Variants in CERS6 observed in about 807,000 individuals in gnomAD.
CERS6 encodes ceramide synthase 6, also known as LAG1 homolog, ceramide synthase 6.
In CERS6, 26 loss-of-function variants were observed where a neutral mutation model predicts 56.8. That is an observed-to-expected ratio of 0.46 (90% CI 0.34 to 0.63). The LOEUF is 0.63. CERS6 is among the 30% of genes least tolerant of loss of function. CERS6 has a pLI of 0.01. For synonymous variants in CERS6, 164 were observed against 173.3 expected (o/e 0.95, Z 0.42); for missense variants, 415 against 467.5 (o/e 0.89, Z 1.04).
At chr2:168,489,173 G>C (rs572961809) in intron 1 of CERS6, among the ~76,000 whole-genome samples, 1 of 152,096 alleles carries the variant, frequency 6.6e-6, no homozygotes, top group Non-Finnish European at 1.5e-5. Context: ...GATGGATATG[G>C]AATTTTAGGT....
chr2:168,519,153 A>G (rs1416791027), intron 1 of CERS6, among the ~76,000 whole-genome samples: 1 of 152,294 alleles, frequency 6.6e-6, no homozygotes, highest in African/African-American at 2.4e-5. Context: ...CATCATAAAT[A>G]TGGGTTAATG....
intron 1 of CERS6, among the ~76,000 whole-genome samples, chr2:168,512,669 C>CTT (rs35756766): frequency 0.02 from 2,591 of 131,004 alleles, 52 homozygotes; most frequent in African/African-American, 0.049. Flanking sequence ...ATTTTCTTTT[C>CTT]TTTTTTTTTT....
At chr2:168,753,495 G>C (rs184483566) in intron 8 of CERS6, among the ~76,000 whole-genome samples, 142 of 152,084 alleles carry the variant, frequency 9.3e-4, no homozygotes, top group African/African-American at 3.4e-3. Flanking sequence ...TGTTTATTTG[G>C]GTTCTTTTCC....
intron 1 of CERS6, among the ~76,000 whole-genome samples, chr2:168,544,660 C>T (rs534468661): frequency 6.6e-6 from 1 of 152,288 alleles, no homozygotes; most frequent in East Asian, 1.9e-4. Context: ...CTGGTATGGA[C>T]TCACTGTGGA....
chr2:168,478,328 C>T (rs1304005796), intron 1 of CERS6, among the ~76,000 whole-genome samples: 1 of 152,170 alleles, frequency 6.6e-6, no homozygotes, highest in Admixed American at 6.5e-5. Flanking sequence ...GAGTAAACCA[C>T]CCCTCTCTGC....
At chr2:168,567,621 C>A (rs1695906554) in intron 3 of CERS6, among the ~76,000 whole-genome samples, 1 of 152,204 alleles carries the variant, frequency 6.6e-6, no homozygotes, top group South Asian at 2.1e-4. Context: ...CTGGATTTGG[C>A]CCTCTAGCCA....
At chr2:168,724,692 C>A (rs1683291443) in intron 8 of CERS6, among the ~76,000 whole-genome samples, 1 of 151,892 alleles carries the variant, frequency 6.6e-6, no homozygotes, top group African/African-American at 2.4e-5. Context: ...ATTCACAAAC[C>A]CTGAGCTAGA....
chr2:168,663,576 A>G (rs950612527), intron 4 of CERS6, among the ~76,000 whole-genome samples: 1 of 152,166 alleles, frequency 6.6e-6, no homozygotes, highest in Non-Finnish European at 1.5e-5. Flanking sequence ...CATTTTCTAT[A>G]TAGAGATTTT....
chr2:168,717,327 A>T (rs1202294530), intron 7 of CERS6, among the ~76,000 whole-genome samples: 1 of 152,166 alleles, frequency 6.6e-6, no homozygotes, highest in Non-Finnish European at 1.5e-5. Context: ...AGTAAGCCAG[A>T]AGAGCATCTC....
In CERS6 at chr2:168,746,817, A is replaced by G. The variant is rs984111139; in HGVS notation, c.846-18775A>G. Among the ~76,000 whole-genome samples the G allele has an allele frequency of 2.8e-3, 295 of 107,106 alleles. 2 individuals carry two copies. The highest frequency in any genetic ancestry group is 3.5e-3 in the Non-Finnish European group (180 of 52,074). 70.3% of individuals were successfully genotyped at this position (107,106 alleles called of 152,430 possible). A position where few individuals can be genotyped will look rare whatever the true frequency, so the allele number is the denominator to read the frequency against. On this transcript the variant is annotated intron_variant, in intron 8 of 9. Coordinates refer to ENST00000305747, the MANE Select transcript of CERS6 (RefSeq NM_203463.3). ...TATATATATATATATATATATATAT[A>G]TATAAAATCATCTTTGAAAAAATGA...
chr2:168,755,414 CAT>C (rs763988702), intron 8 of CERS6, among the ~76,000 whole-genome samples: 1 of 152,092 alleles, frequency 6.6e-6, no homozygotes, highest in Non-Finnish European at 1.5e-5. Context: ...TTTAAATCTC[CAT>C]GTGTGTGACT....
At chr2:168,568,800 C>T (rs1288787076) in intron 3 of CERS6, among the ~76,000 whole-genome samples, 4 of 152,154 alleles carry the variant, frequency 2.6e-5, no homozygotes, top group Non-Finnish European at 4.4e-5. Flanking sequence ...TGCTGCATTC[C>T]TAAAAATGGC....
At chr2:168,457,069 G>A (rs1693682649) in intron 1 of CERS6, among the ~76,000 whole-genome samples, 1 of 152,248 alleles carries the variant, frequency 6.6e-6, no homozygotes, top group African/African-American at 2.4e-5. Flanking sequence ...GGCCCGGAGG[G>A]AGGAGGAACC....
rs144933002 is a variant in CERS6 at position 168,486,900 on chromosome 2, C to T, written c.170+30282C>T. ...CCACTTATTCATTGCTAGCTTTCAC[C>T]GCTAATGTCAAACCTATTTTAGTAA... On this transcript the variant is annotated intron_variant, in intron 1 of 9. Transcript: ENST00000305747. Among the ~76,000 whole-genome samples, 393 of 152,126 alleles carry T rather than the reference C, an allele frequency of 2.6e-3. 1 individual carries two copies. The highest frequency in any genetic ancestry group is 8.7e-3 in the African/African-American group (362 of 41,488).
intron 6 of CERS6, among the ~76,000 whole-genome samples, chr2:168,705,056 C>T (rs1394499553): frequency 6.6e-6 from 1 of 152,202 alleles, no homozygotes; most frequent in African/African-American, 2.4e-5. Context: ...GAGAAGCAAC[C>T]TGCTATGGTA....
intron 6 of CERS6, among the ~76,000 whole-genome samples, chr2:168,712,404 G>C (rs1009168247): frequency 6.6e-6 from 1 of 152,056 alleles, no homozygotes; most frequent in African/African-American, 2.4e-5. Context: ...ACCTAGCCCT[G>C]TTTCATTTTC....
intron 3 of CERS6, among the ~76,000 whole-genome samples, chr2:168,580,275 A>G (rs1043669364): frequency 4.0e-5 from 6 of 151,288 alleles, no homozygotes; most frequent in African/African-American, 1.5e-4. Flanking sequence ...TGTGCTTTCT[A>G]TTTTTGCCTA....
At chr2:168,583,401 A>G (rs1485750915) in intron 3 of CERS6, among the ~76,000 whole-genome samples, 1 of 152,174 alleles carries the variant, frequency 6.6e-6, no homozygotes, top group African/African-American at 2.4e-5. Flanking sequence ...TCTGATTTGG[A>G]TAGGGGCAAA....
chr2:168,557,696 G>C (rs979980373), intron 2 of CERS6, among the ~76,000 whole-genome samples: 2 of 152,100 alleles, frequency 1.3e-5, no homozygotes, highest in Non-Finnish European at 2.9e-5. Context: ...GGAAACCTGG[G>C]AGAATCTTTT....
Sources: gnomAD v4.1 joint callset for allele counts (sites outside exome capture counted in the v4.1 genomes callset) on GRCh38, gnomAD v4.1.1 for gene constraint, MANE v1.5 for transcripts, NCBI Gene and HGNC (gene_info 2026-07-23, HGNC 2026-07-21) for gene names.